PRAG1: variants seen among roughly 807,000 people sequenced by gnomAD.
The protein encoded by PRAG1 is PEAK1 related, kinase-activating pseudokinase 1.
A neutral mutation model predicts 95.6 loss-of-function variants in PRAG1; 110 were observed. The ratio of observed to expected loss-of-function variants is 1.15; its 90% CI spans 0.99 to 1.35. PRAG1 has a LOEUF of 1.35. PRAG1 is among the 40% of genes most tolerant of loss of function. The pLI is 0.00. For missense variants in PRAG1, 2,554 were observed against 1,864.7 expected (o/e 1.37, Z -6.81); for synonymous variants, 1,052 against 819.4 (o/e 1.28, Z -4.85).
intron 3 of PRAG1, among the ~76,000 whole-genome samples, chr8:8,368,442 G>A (rs1466685598): frequency 6.6e-6 from 1 of 152,188 alleles, no homozygotes; most frequent in African/African-American, 2.4e-5. Context: ...AATGAGCAAT[G>A]CAAGCACAGA....
At chr8:8,351,610 G>C (rs1002480124) in intron 3 of PRAG1, among the ~76,000 whole-genome samples, 8 of 152,138 alleles carry the variant, frequency 5.3e-5, no homozygotes, top group Non-Finnish European at 8.8e-5. Context: ...CCATTGACCA[G>C]ACCTCATTTT....
intron 3 of PRAG1, among the ~76,000 whole-genome samples, chr8:8,353,941 T>C (rs1386391250): frequency 2.1e-5 from 3 of 145,850 alleles, no homozygotes; most frequent in African/African-American, 7.6e-5. Context: ...AGAACAAAAA[T>C]AAATAAAATA....
At chr8:8,325,056 G>GT (rs1798591277) in intron 5 of PRAG1, among the ~76,000 whole-genome samples, 4 of 152,160 alleles carry the variant, frequency 2.6e-5, no homozygotes, top group Admixed American at 2.0e-4. Flanking sequence ...CCGGCTCCCT[G>GT]TTTAACATGT....
At chr8:8,323,997 A>G (rs1354338277) in intron 5 of PRAG1, among the ~76,000 whole-genome samples, 3 of 152,222 alleles carry the variant, frequency 2.0e-5, no homozygotes, top group Non-Finnish European at 4.4e-5. Context: ...CCTCTGAATG[A>G]CAGGGGCAGG....
At chr8:8,383,313 G>C (rs545724740) in intron 1 of PRAG1, among the ~76,000 whole-genome samples, 50 of 152,328 alleles carry the variant, frequency 3.3e-4, no homozygotes, top group Admixed American at 2.9e-3. Flanking sequence ...GCTCACGCCT[G>C]TAATCCCAGC....
At chr8:8,370,520 G>A (rs1800157137) in intron 3 of PRAG1, among the ~76,000 whole-genome samples, 1 of 152,200 alleles carries the variant, frequency 6.6e-6, no homozygotes, top group Non-Finnish European at 1.5e-5. Context: ...ATGCCGCCCA[G>A]AAAAGGCCGT....
At chr8:8,359,476 TA>T (rs2116887058) in intron 3 of PRAG1, among the ~76,000 whole-genome samples, 1 of 152,318 alleles carries the variant, frequency 6.6e-6, no homozygotes, top group African/African-American at 2.4e-5. Flanking sequence ...TAGCATTAGG[TA>T]CAACAGGATG....
At chr8:8,361,643 T>G (rs1799851171) in intron 3 of PRAG1, among the ~76,000 whole-genome samples, 1 of 152,212 alleles carries the variant, frequency 6.6e-6, no homozygotes, top group East Asian at 1.9e-4. Flanking sequence ...AATTGGAGTA[T>G]TGGATGGGGA....
chr8:8,325,632 G>T (rs950321247), intron 5 of PRAG1, among the ~76,000 whole-genome samples: 1 of 152,090 alleles, frequency 6.6e-6, no homozygotes. Flanking sequence ...AAACTGTGGC[G>T]GGGCACGGTG....
chr8:8,345,621 C>A (rs1242379213), intron 3 of PRAG1, among the ~76,000 whole-genome samples: 1 of 151,896 alleles, frequency 6.6e-6, no homozygotes, highest in East Asian at 1.9e-4. Context: ...TGAAACCCCA[C>A]CTCCACTAAA....
chr8:8,327,745 A>G lies in PRAG1; in HGVS notation c.3037T>C (p.Cys1013Arg), dbSNP rs1331285654. The G allele has an allele frequency of 6.2e-7, 1 of 1,614,166 alleles. No homozygotes were observed. Among genetic ancestry groups the G allele is most frequent in the Admixed American group, 1.7e-5 (1 of 60,026 alleles). Residue 1013 changes from cysteine to arginine, a missense_variant, in exon 5 of 6, where the codon TGC (cysteine) becomes CGC (arginine). Coordinates refer to ENST00000615670, the MANE Select transcript of PRAG1 (RefSeq NM_001080826.3). Reference sequence around the variant, plus strand: ...TAGGTGCTGCCGGGGTCCTCAGAGCAGGTGGCACAGTAATAAATGGCATCC... The same window carrying G: ...TAGGTGCTGCCGGGGTCCTCAGAGCGGGTGGCACAGTAATAAATGGCATCC... ...SGDAIYYCAT[C>R]SEDPGSTYAV...
At chr8:8,322,649 T>C (rs1053035463) in intron 5 of PRAG1, among the ~76,000 whole-genome samples, 3 of 152,172 alleles carry the variant, frequency 2.0e-5, no homozygotes, top group African/African-American at 7.2e-5. Flanking sequence ...TCAAGTCTGA[T>C]AAAAATATTT....
At chr8:8,383,161 A>C (rs1248734395) in intron 1 of PRAG1, among the ~76,000 whole-genome samples, 2 of 152,186 alleles carry the variant, frequency 1.3e-5, no homozygotes, top group Non-Finnish European at 2.9e-5. Flanking sequence ...CGGGTACCCC[A>C]AAAATCATTC....
At chr8:8,341,405 T>C (rs371580531) in intron 3 of PRAG1, among the ~76,000 whole-genome samples, 1 of 151,812 alleles carries the variant, frequency 6.6e-6, no homozygotes, top group African/African-American at 2.4e-5. Flanking sequence ...AGGTGCCAGA[T>C]ACAAAGAGGG....
chr8:8,321,708 G>A (rs985697637), intron 5 of PRAG1, among the ~76,000 whole-genome samples: 4 of 152,320 alleles, frequency 2.6e-5, no homozygotes, highest in Non-Finnish European at 5.9e-5. Flanking sequence ...CTATACAACC[G>A]AGAAGTGTTG....
At chr8:8,348,917 T>C (rs903108612) in intron 3 of PRAG1, among the ~76,000 whole-genome samples, 1 of 152,200 alleles carries the variant, frequency 6.6e-6, no homozygotes, top group African/African-American at 2.4e-5. Context: ...TATTAAACAG[T>C]TCTTGATTAA....
intron 3 of PRAG1, among the ~76,000 whole-genome samples, chr8:8,350,894 AAATGGATG>A (rs1237546809): frequency 8.5e-6 from 1 of 117,784 alleles, no homozygotes; most frequent in Non-Finnish European, 1.8e-5. Context: ...AGTGCTCGTT[AAATGGATG>A]GATGGATGGA....
chr8:8,361,094 C>G (rs1799830668), intron 3 of PRAG1, among the ~76,000 whole-genome samples: 1 of 152,220 alleles, frequency 6.6e-6, no homozygotes, highest in Admixed American at 6.5e-5. Flanking sequence ...TAAGGATCAT[C>G]TAACAGTAGC....
intron 4 of PRAG1, among the ~76,000 whole-genome samples, chr8:8,329,427 A>T (rs557692624): frequency 4.0e-5 from 6 of 151,862 alleles, no homozygotes; most frequent in Admixed American, 2.0e-4. Context: ...GCCCTAAGGA[A>T]ATGTGTACTT....
Sources: gnomAD v4.1 joint callset for allele counts (sites outside exome capture counted in the v4.1 genomes callset) on GRCh38, gnomAD v4.1.1 for gene constraint, MANE v1.5 for transcripts, NCBI Gene and HGNC (gene_info 2026-07-23, HGNC 2026-07-21) for gene names.